The following PLOD3 variants were observed in gnomAD, a reference collection of about 807,000 sequenced individuals.
PLOD3 encodes procollagen-lysine,2-oxoglutarate 5-dioxygenase 3, also known as multifunctional procollagen lysine hydroxylase and glycosyltransferase LH3.
A neutral mutation model predicts 96.9 loss-of-function variants in PLOD3; 73 were observed. That is an observed-to-expected ratio of 0.75 (90% CI 0.62 to 0.92). PLOD3 has a LOEUF of 0.92. Among genes scored for constraint, PLOD3 ranks in the 40% least tolerant of loss-of-function variants. The pLI, the probability that PLOD3 is intolerant of heterozygous loss-of-function variation, is 0.00. For missense variants in PLOD3, 1,004 were observed against 1,004.3 expected, an observed-to-expected ratio of 1.00 and a Z score of 0.00; for synonymous variants, 454 against 413.7, an observed-to-expected ratio of 1.10 and a Z score of -1.18.
In PLOD3 at chr7:101,216,767, A is replaced by G. The variant is rs138623639; in HGVS notation, c.129T>C (p.Thr43=). 111 of 1,613,398 alleles carry G rather than the reference A, an allele frequency of 6.9e-5. No individual in the cohort carries two copies. The African/African-American group carries it at 1.1e-3, about 16-fold the overall frequency. ...PVNPEKLLVI[T]VATAETEGYL... is the part of the protein sequence containing the mutation. ...ACCCCTCGGTTTCAGCTGTGGCCAC[A>G]GTGATCACCAGCAGCTTCTCTGTTA... is the stretch of plus-strand genomic sequence containing the variant. The change falls in exon 2 of 19, where the codon ACT becomes ACC. Residue 43 remains threonine (T), a synonymous_variant. Coordinates refer to ENST00000223127, the MANE Select transcript of PLOD3 (RefSeq NM_001084.5).
At position 101,206,566 on chromosome 7, in the gene PLOD3, G is replaced by A; in HGVS notation, c.2062-130C>T. 3.9e-6 allele frequency: 4 copies of A among 1,014,524 alleles called. No homozygotes were observed. The South Asian group carries it at 5.5e-5, about 14-fold the overall frequency. The allele number at this position is 1,014,524 out of a possible 1,614,324, so 62.8% of individuals were successfully genotyped here. On this transcript the variant is annotated intron_variant, in intron 18 of 18. Transcript: ENST00000223127. Reference sequence around the variant, plus strand: ...GACCGGGGTGACAAGGGAGATGGCAGATATGGCAGACACCGGAGGCTGGGG... The same window carrying A: ...GACCGGGGTGACAAGGGAGATGGCAAATATGGCAGACACCGGAGGCTGGGG...
intron 16 of PLOD3, among the ~76,000 whole-genome samples, chr7:101,208,403 G>A (rs1051009019): frequency 7.2e-5 from 11 of 152,016 alleles, no homozygotes; most frequent in Admixed American, 3.9e-4. Context: ...CACCATGCCC[G>A]GCTAATTTTG....
rs1798203464 is a variant in PLOD3, at chr7:101,212,599, G to A, written c.936C>T (p.Pro312=). The A allele has an allele frequency of 6.2e-7, 1 of 1,613,926 alleles. No homozygotes were observed. The highest frequency in any genetic ancestry group is 8.5e-7 in the Non-Finnish European group (1 of 1,179,902). ...VFVEQPTPFL[P]RFLQRLLLLD... is the part of the protein sequence containing the mutation. ...GGAGTAGCAGCCGCTGCAGGAAGCGGGGCAGAAACGGAGTAGGCTGTTCCA... is the reference window on the plus strand; with the variant it reads ...GGAGTAGCAGCCGCTGCAGGAAGCGAGGCAGAAACGGAGTAGGCTGTTCCA... The change falls in exon 9 of 19, where the codon CCC becomes CCT. Residue 312 remains proline (P), a synonymous_variant. Coordinates refer to ENST00000223127, the MANE Select transcript of PLOD3 (RefSeq NM_001084.5).
At chr7:101,211,348 A>G (rs1307223228) in intron 12 of PLOD3, 1 of 495,932 alleles carries the variant, frequency 2.0e-6, no homozygotes, top group East Asian at 3.4e-5. Context: ...CCCAGCTAAT[A>G]TTTTAAGTTT....
At chr7:101,217,141 G>C in intron 1 of PLOD3, 25 bp downstream of exon 1, 1 of 1,448,610 alleles carries the variant, frequency 6.9e-7, no homozygotes, top group Non-Finnish European at 9.1e-7. Flanking sequence ...CCCCTCGGCC[G>C]TGCCGGGCCT....
In PLOD3 at chr7:101,207,689, G is replaced by A; in HGVS notation, c.1824C>T (p.Pro608=). ...SRLAGGYENV[P]TVDIHMKQVG... ...CCTGCTTCATGTGGATGTCCACGGT[G>A]GGCACATTCTCGTAGCCTCCAGCCA... Residue 608 remains proline, a synonymous_variant, in exon 17 of 19, where the codon CCC becomes CCT. Coordinates refer to ENST00000223127, the MANE Select transcript of PLOD3 (RefSeq NM_001084.5). 1.2e-6 allele frequency: 2 copies of A among 1,613,908 alleles called. No homozygotes were observed. The highest frequency in any genetic ancestry group is 1.3e-5 in the African/African-American group (1 of 74,962).
Position 101,215,899 on chromosome 7 carries a change from C to T in PLOD3, c.615+9G>A, listed in dbSNP as rs1315524102. ...CTGCGGGATGCGCCCACTCCTCTGC[C>T]TTCCCTACCCTCAGTCCTGGGTCCA... is the stretch of plus-strand genomic sequence containing the variant. On this transcript the variant is annotated intron_variant, in intron 5 of 18. Coordinates refer to ENST00000223127, the MANE Select transcript of PLOD3 (RefSeq NM_001084.5). 1.3e-6 allele frequency: 2 copies of T among 1,587,080 alleles called. No homozygotes were observed. Among genetic ancestry groups the T allele is most frequent in the Non-Finnish European group, 1.7e-6 (2 of 1,155,516 alleles).
chr7:101,212,994 T>G (rs898194919), intron 7 of PLOD3, 51 bp from the exon 8 acceptor site: 2 of 1,337,236 alleles, frequency 1.5e-6, no homozygotes, highest in Non-Finnish European at 2.1e-6. Context: ...GGGGTGGAGG[T>G]GGGGGTCAGG....
Position 101,207,608 on chromosome 7 carries a change from G to T in PLOD3, c.1905C>A (p.Thr635=). 1 of 1,614,022 alleles carries T rather than the reference G, an allele frequency of 6.2e-7. No individual in the cohort carries two copies. Among genetic ancestry groups the T allele is most frequent in the Non-Finnish European group, 8.5e-7 (1 of 1,179,952 alleles). The change falls in exon 17 of 19, where the codon ACC becomes ACA. Residue 635 remains threonine (T), a synonymous_variant. Coordinates refer to ENST00000223127, the MANE Select transcript of PLOD3 (RefSeq NM_001084.5). The stretch of plus-strand genomic sequence containing the variant: ...TGTGGTAACCGGGAAACAGGCTCTC[G>T]GTCATGGGGCCCACATACGTCCGCA... ...QLLRTYVGPM[T]ESLFPGYHTK...
chr7:101,213,304 A>G (rs1798216713), intron 6 of PLOD3, 100 bp from the exon 7 acceptor site: 3 of 787,562 alleles, frequency 3.8e-6, no homozygotes, highest in Non-Finnish European at 6.7e-6. Flanking sequence ...CAGGGAATAA[A>G]GGGACACCAG....
At position 101,215,093 on chromosome 7, in the gene PLOD3, A is replaced by C. The variant is rs555538955; in HGVS notation, c.675T>G (p.Ala225=). ...KSRIFQNLNG[A]LDEVVLKFDR... is the part of the protein sequence containing the mutation. The stretch of plus-strand genomic sequence containing the variant: ...TGCGGCTGTCTTCCTCCTCACCTAA[A>C]GCCCCGTTGAGGTTCTGAAAGATCC... Residue 225 remains alanine (A), a synonymous_variant, in exon 6 of 19, where the codon GCT becomes GCG. Transcript: ENST00000223127. The C allele has an allele frequency of 1.2e-6, 2 of 1,611,786 alleles. No homozygotes were observed. Among genetic ancestry groups the C allele is most frequent in the Admixed American group, 3.3e-5 (2 of 60,024 alleles).
At position 101,212,648 on chromosome 7, in the gene PLOD3, G is replaced by T. The variant is rs143577626; in HGVS notation, c.887C>A (p.Pro296His). Residue 296 changes from proline (P) to histidine (H), a missense_variant, in exon 9 of 19, where the codon CCC (proline) becomes CAC (histidine). Pro to His is a moderately conservative substitution (Grantham distance 77). This residue lies in a region of PLOD3 where 690 missense variants were observed against 650.2 expected (regional missense o/e 1.06). Transcript: ENST00000223127. ...RRTLPGGQPPPRVFLAVFVEQ... is the reference protein window; with the variant it reads ...RRTLPGGQPPHRVFLAVFVEQ... The stretch of plus-strand genomic sequence containing the variant: ...CACAAACACGGCCAGAAACACCCGG[G>T]GGGGAGGCTGGAAGATGCAACACGC... The T allele has an allele frequency of 1.7e-4, 277 of 1,613,680 alleles. No individual in the cohort carries two copies. Among genetic ancestry groups the T allele is most frequent in the Middle Eastern group, 6.7e-4 (4 of 5,944 alleles).
intron 6 of PLOD3, among the ~76,000 whole-genome samples, chr7:101,214,019 G>C (rs904013506): frequency 2.0e-5 from 3 of 151,972 alleles, no homozygotes; most frequent in Non-Finnish European, 4.4e-5. Context: ...ATATTTAGTA[G>C]AGACTGGGTT....
chr7:101,212,968 G>C (rs1203879721), intron 7 of PLOD3, 25 bp from the exon 8 acceptor site: 1 of 1,555,122 alleles, frequency 6.4e-7, no homozygotes, highest in Admixed American at 1.7e-5. Context: ...CTGAGGCTGA[G>C]TGGCTGAGGC....
intron 9 of PLOD3, 42 bp downstream of exon 9, chr7:101,212,488 G>A (rs1584253633): frequency 1.2e-6 from 2 of 1,610,490 alleles, no homozygotes; most frequent in South Asian, 2.2e-5. Context: ...ATCAGGGCAG[G>A]GAAAGGGTCC....
In PLOD3 at chr7:101,215,113, A is replaced by G; in HGVS notation, c.655T>C (p.Phe219Leu). The G allele has an allele frequency of 1.9e-6, 3 of 1,613,720 alleles. No homozygotes were observed. Among genetic ancestry groups the G allele is most frequent in the East Asian group, 2.2e-5 (1 of 44,888 alleles). ...SLNLDHKSRI[F>L]QNLNGALDEV... The stretch of plus-strand genomic sequence containing the variant: ...CCTAAAGCCCCGTTGAGGTTCTGAA[A>G]GATCCGAGACTTATGATCCAGATTA... Residue 219 changes from phenylalanine to leucine, a missense_variant, in exon 6 of 19, where the codon TTT becomes CTT. By Grantham distance (22) the Phe-to-Leu change is conservative. Coordinates refer to ENST00000223127, the MANE Select transcript of PLOD3 (RefSeq NM_001084.5).
At chr7:101,216,385 C>G (rs376220535) in intron 3 of PLOD3, 25 bp downstream of exon 3, 24 of 1,613,806 alleles carry the variant, frequency 1.5e-5, no homozygotes, top group Non-Finnish European at 1.8e-5. Flanking sequence ...ATCCTTACCC[C>G]GCTCCCTATC....
rs1024205956 is a variant in PLOD3, at chr7:101,216,678, C to A, written c.201+17G>T. The A allele has an allele frequency of 9.3e-6, 15 of 1,610,462 alleles. No homozygotes were observed. The highest frequency in any genetic ancestry group is 9.3e-6 in the Non-Finnish European group (11 of 1,176,818). On this transcript the variant is annotated intron_variant, in intron 2 of 18. Transcript: ENST00000223127. ...TCCTGCTGGGACCCCCTCCCAGGGG[C>A]CTTTCCCTCTCCTCACCCGCACAGT...
intron 15 of PLOD3, among the ~76,000 whole-genome samples, chr7:101,209,305 C>T (rs1379724165): frequency 6.6e-6 from 1 of 151,964 alleles, no homozygotes; most frequent in African/African-American, 2.4e-5. Flanking sequence ...CTTCTGGGCT[C>T]AAGCGATCCT....
Sources: allele counts gnomAD v4.1 joint callset (sites outside exome capture counted in the v4.1 genomes callset), GRCh38; gene constraint gnomAD v4.1.1; regional missense constraint gnomAD v4.1.1; transcripts MANE v1.5; gene names NCBI Gene and HGNC (gene_info 2026-07-23, HGNC 2026-07-21).